CPSF6: variants seen among roughly 807,000 people sequenced by gnomAD.
The protein encoded by CPSF6 is cleavage and polyadenylation specificity factor subunit 6.
CPSF6 carries 10 observed loss-of-function variants against 56.7 expected under a neutral mutation model. That is an observed-to-expected ratio of 0.18 (90% CI 0.11 to 0.30). The LOEUF is 0.30. Ranked by LOEUF, CPSF6 falls within the 10% of genes least tolerant of loss-of-function variation. The probability of loss-of-function intolerance (pLI) is 1.00; values close to 1 mark genes in which losing one functional copy is unlikely to be tolerated. For synonymous variants in CPSF6, 248 were observed against 244.8 expected, an observed-to-expected ratio of 1.01 and a Z score of -0.12; for missense variants, 419 against 722.9, an observed-to-expected ratio of 0.58 and a Z score of 4.82.
At chr12:69,245,218 T>G (rs982690795) in intron 1 of CPSF6, among the ~76,000 whole-genome samples, 1 of 152,186 alleles carries the variant, frequency 6.6e-6, no homozygotes, top group African/African-American at 2.4e-5. Context: ...GCTATTCTTT[T>G]ATATGACTGA....
intron 9 of CPSF6, among the ~76,000 whole-genome samples, chr12:69,266,062 T>A (rs1353947686): frequency 6.6e-6 from 1 of 151,322 alleles, no homozygotes; most frequent in Non-Finnish European, 1.5e-5. Flanking sequence ...ATAAAAAAAA[T>A]TCTTACATGT....
At chr12:69,259,396 T>A in intron 6 of CPSF6, 32 bp from the exon 7 acceptor site, 1 of 1,598,230 alleles carries the variant, frequency 6.3e-7, no homozygotes, top group Non-Finnish European at 8.5e-7. Context: ...ATCTGTTGAG[T>A]ATGAGTTAAG....
chr12:69,267,029 C>A (rs1020786398), intron 9 of CPSF6, among the ~76,000 whole-genome samples: 7 of 152,118 alleles, frequency 4.6e-5, no homozygotes, highest in African/African-American at 1.4e-4. Context: ...AATTATTTCT[C>A]TTGCCCACCT....
At position 69,249,160 on chromosome 12, in the gene CPSF6, G is replaced by T. The variant is rs905826810; in HGVS notation, c.61-1969G>T. ...CTGTAGTCCCAGCTACTCGGGGGGG[G>T]GGGGGGGGGCTGAGGCAGGAGAATG... On this transcript the variant is annotated intron_variant, in intron 1 of 9. Coordinates refer to ENST00000435070, the MANE Select transcript of CPSF6 (RefSeq NM_007007.3). Among the ~76,000 whole-genome samples the T allele has an allele frequency of 2.9e-4, 21 of 72,732 alleles. 6 individuals are homozygous for T. In the South Asian group the frequency reaches 4.2e-3, roughly 15 times the overall value. The allele number at this position is 72,732 out of a possible 152,430, so 47.7% of individuals were successfully genotyped here. A position where few individuals can be genotyped will look rare whatever the true frequency, so the allele number is the denominator to read the frequency against.
At chr12:69,243,352 A>G (rs1185457205) in intron 1 of CPSF6, among the ~76,000 whole-genome samples, 1 of 152,212 alleles carries the variant, frequency 6.6e-6, no homozygotes, top group African/African-American at 2.4e-5. Context: ...TTATGACAGT[A>G]AACTGTTCTA....
At chr12:69,247,147 TGAAGG>T (rs1871952408) in intron 1 of CPSF6, among the ~76,000 whole-genome samples, 2 of 152,120 alleles carry the variant, frequency 1.3e-5, no homozygotes, top group Non-Finnish European at 2.9e-5. Context: ...AGTAACTTCT[TGAAGG>T]GAGGGAGGAG....
At chr12:69,259,997 T>G (rs1341100579) in intron 7 of CPSF6, 47 bp from the exon 8 acceptor site, 5 of 1,600,164 alleles carry the variant, frequency 3.1e-6, no homozygotes, top group Non-Finnish European at 4.2e-6. Context: ...GATGGTGTTT[T>G]GAAAACAAAA....
chr12:69,269,653 C>A lies in CPSF6; in HGVS notation c.*145C>A. ...TGAACAGGAATAGATCTGAATAAAG[C>A]AAATCTGCATAAATGGTAACCAGTA... On this transcript the variant is annotated 3_prime_UTR_variant, in exon 10 of 10. Transcript: ENST00000435070. The A allele has an allele frequency of 3.4e-6, 1 of 296,152 alleles. No individual in the cohort carries two copies. Among genetic ancestry groups the A allele is most frequent in the South Asian group, 2.8e-5 (1 of 35,814 alleles). 18.3% of individuals were successfully genotyped at this position (296,152 alleles called of 1,614,324 possible).
chr12:69,249,206 G>A, intron 1 of CPSF6, among the ~76,000 whole-genome samples: 1 of 139,314 alleles, frequency 7.2e-6, no homozygotes. Flanking sequence ...AGGAGGCGGA[G>A]CTTGCAGTGA....
At chr12:69,255,589 T>TGGA (rs1290547852) in intron 3 of CPSF6, among the ~76,000 whole-genome samples, 1 of 152,226 alleles carries the variant, frequency 6.6e-6, no homozygotes, top group Non-Finnish European at 1.5e-5. Context: ...TCACCCAGGC[T>TGGA]GGAGTGCAGT....
rs1231580184 is a variant in CPSF6 at position 69,272,178 on chromosome 12, A to G, written c.*2670A>G. 1.4e-5 allele frequency: 2 copies of G among 147,872 alleles called. No individual in the cohort carries two copies. The highest frequency in any genetic ancestry group is 2.5e-5 in the African/African-American group (1 of 40,528). The allele number at this position is 147,872 out of a possible 1,614,324, so 9.2% of individuals were successfully genotyped here. A position where few individuals can be genotyped will look rare whatever the true frequency, so the allele number is the denominator to read the frequency against. On this transcript the variant is annotated 3_prime_UTR_variant, in exon 10 of 10. Transcript: ENST00000435070. ...GTGTTTTTTTTTTTTGTCACTTTTC[A>G]TAAGGTTTGGAGTAAGTTGCAGTGG...
intron 1 of CPSF6, among the ~76,000 whole-genome samples, chr12:69,249,418 C>G (rs1049921415): frequency 1.8e-4 from 1 of 5,628 alleles, no homozygotes; most frequent in Non-Finnish European, 2.9e-4. Context: ...ATGCTTTTCT[C>G]TGGGTCATTC....
chr12:69,255,934 T>G (rs1872490877), intron 3 of CPSF6, among the ~76,000 whole-genome samples: 1 of 152,216 alleles, frequency 6.6e-6, no homozygotes, highest in African/African-American at 2.4e-5. Context: ...CAATAGTTAA[T>G]GATATTGTAC....
At chr12:69,239,763 T>A in intron 1 of CPSF6, 57 bp downstream of exon 1, 2 of 1,502,390 alleles carry the variant, frequency 1.3e-6, no homozygotes, top group Non-Finnish European at 1.8e-6. Context: ...GCCGGGAAGC[T>A]GACCCGGGGC....
intron 8 of CPSF6, among the ~76,000 whole-genome samples, chr12:69,261,304 A>G (rs1304195962): frequency 1.3e-5 from 2 of 152,152 alleles, no homozygotes; most frequent in Non-Finnish European, 2.9e-5. Flanking sequence ...CAAAGTAATA[A>G]TTTTTTAATC....
intron 7 of CPSF6, among the ~76,000 whole-genome samples, chr12:69,259,771 A>T (rs1872665847): frequency 1.3e-5 from 2 of 152,224 alleles, no homozygotes; most frequent in Non-Finnish European, 2.9e-5. Flanking sequence ...CTTACCCTTG[A>T]CATTTAATGG....
At chr12:69,261,670 T>C (rs1872746570) in intron 8 of CPSF6, among the ~76,000 whole-genome samples, 1 of 152,126 alleles carries the variant, frequency 6.6e-6, no homozygotes, top group African/African-American at 2.4e-5. Flanking sequence ...GACATAAATA[T>C]TATTTCGTAG....
chr12:69,247,692 A>T (rs1325192307), intron 1 of CPSF6, among the ~76,000 whole-genome samples: 1 of 152,148 alleles, frequency 6.6e-6, no homozygotes, highest in Non-Finnish European at 1.5e-5. Flanking sequence ...ATAATTTCTC[A>T]TGCAAACATC....
At position 69,273,615 on chromosome 12, in the gene CPSF6, T is replaced by C. The variant is rs1873357734; in HGVS notation, c.*4107T>C. On this transcript the variant is annotated 3_prime_UTR_variant, in exon 10 of 10. Transcript: ENST00000435070. ...CATTTTGTTTTGAAAGTGTGTTCTT[T>C]TTGTCGCACTGTTACTGCGTAACAC... The C allele has an allele frequency of 6.6e-6, 1 of 152,104 alleles. No homozygotes were observed. The highest frequency in any genetic ancestry group is 6.6e-5 in the Admixed American group (1 of 15,256). 9.4% of individuals were successfully genotyped at this position (152,104 alleles called of 1,614,324 possible). A position where few individuals can be genotyped will look rare whatever the true frequency, so the allele number is the denominator to read the frequency against.
Sources: gnomAD v4.1 joint callset for allele counts (sites outside exome capture counted in the v4.1 genomes callset) on GRCh38, gnomAD v4.1.1 for gene constraint, MANE v1.5 for transcripts, NCBI Gene and HGNC (gene_info 2026-07-23, HGNC 2026-07-21) for gene names.